The following PCMTD1 variants were observed in gnomAD, a reference collection of about 807,000 sequenced individuals.
PCMTD1 encodes protein-L-isoaspartate (D-aspartate) O-methyltransferase domain containing 1, also known as protein-L-isoaspartate O-methyltransferase domain-containing protein 1.
PCMTD1 carries 12 observed loss-of-function variants against 37.6 expected under a neutral mutation model. That is an observed-to-expected ratio of 0.32 (90% CI 0.20 to 0.52). PCMTD1 has a LOEUF of 0.52. Among genes scored for constraint, PCMTD1 ranks in the 20% least tolerant of loss-of-function variants. PCMTD1 has a pLI of 0.97. For missense variants in PCMTD1, 235 were observed against 421.3 expected (o/e 0.56, Z 3.87); for synonymous variants, 117 against 135.8 (o/e 0.86, Z 0.96).
rs766531430 is a variant in PCMTD1, at chr8:51,860,825, T to G, written c.307+20A>C. The G allele has an allele frequency of 5.7e-5, 88 of 1,545,716 alleles. No individual in the cohort carries two copies. Among genetic ancestry groups the G allele is most frequent in the Non-Finnish European group, 7.4e-5 (85 of 1,147,558 alleles). Reference sequence around the variant, plus strand: ...AAATGGCTTATTTTTTAAAATAGAATTTTACAAAAATAAAATTACCTAAAA... The same window carrying G: ...AAATGGCTTATTTTTTAAAATAGAAGTTTACAAAAATAAAATTACCTAAAA... On this transcript the variant is annotated intron_variant, in intron 2 of 5. Transcript: ENST00000522514.
chr8:51,876,747 T>C (rs1483276965), intron 1 of PCMTD1, among the ~76,000 whole-genome samples: 1 of 152,188 alleles, frequency 6.6e-6, no homozygotes, highest in African/African-American at 2.4e-5. Context: ...AAGAGATTGA[T>C]GATAATAGTC....
At chr8:51,882,003 C>G (rs970658313) in intron 1 of PCMTD1, among the ~76,000 whole-genome samples, 1 of 152,130 alleles carries the variant, frequency 6.6e-6, no homozygotes, top group African/African-American at 2.4e-5. Flanking sequence ...CTAATGAGTC[C>G]CCCTCCTCTT....
chr8:51,890,129 A>G (rs912017869), intron 1 of PCMTD1, among the ~76,000 whole-genome samples: 3 of 152,096 alleles, frequency 2.0e-5, no homozygotes, highest in Non-Finnish European at 4.4e-5. Context: ...GGTTATATTC[A>G]CAGATATTTA....
At chr8:51,830,355 T>G (rs2037981080) in intron 5 of PCMTD1, among the ~76,000 whole-genome samples, 1 of 152,214 alleles carries the variant, frequency 6.6e-6, no homozygotes, top group Non-Finnish European at 1.5e-5. Context: ...GTCTGTATGG[T>G]AACAGACAAC....
intron 1 of PCMTD1, among the ~76,000 whole-genome samples, chr8:51,882,275 G>A (rs1286963823): frequency 6.6e-6 from 1 of 152,174 alleles, no homozygotes. Flanking sequence ...GCTCTCTGGT[G>A]TCACTTTTTA....
chr8:51,838,142 T>C (rs2038094215), intron 3 of PCMTD1, among the ~76,000 whole-genome samples: 1 of 152,180 alleles, frequency 6.6e-6, no homozygotes, highest in African/African-American at 2.4e-5. Flanking sequence ...AATCAGGTTA[T>C]AGAGTGGCCA....
At chr8:51,864,294 C>G (rs2038519500) in intron 1 of PCMTD1, among the ~76,000 whole-genome samples, 2 of 152,124 alleles carry the variant, frequency 1.3e-5, no homozygotes, top group Admixed American at 1.3e-4. Context: ...ATGAGATCGA[C>G]TGAAATACAA....
chr8:51,859,560 T>A lies in PCMTD1; in HGVS notation c.307+1285A>T, dbSNP rs545049782. On this transcript the variant is annotated intron_variant, in intron 2 of 5. Transcript: ENST00000522514. ...CAAATGAAACAGATGGGAGGTCCCATGACTAATAGAGTAAGGAATTAGCTA... is the reference window on the plus strand; with the variant it reads ...CAAATGAAACAGATGGGAGGTCCCAAGACTAATAGAGTAAGGAATTAGCTA... Among the ~76,000 whole-genome samples, 4 of 152,262 alleles carry A rather than the reference T, an allele frequency of 2.6e-5. No homozygotes were observed. In the East Asian group the frequency reaches 5.8e-4, roughly 22 times the overall value.
intron 1 of PCMTD1, among the ~76,000 whole-genome samples, chr8:51,886,250 C>T (rs2038863308): frequency 6.6e-6 from 1 of 152,204 alleles, no homozygotes; most frequent in African/African-American, 2.4e-5. Flanking sequence ...CTGAAATTTT[C>T]CAGTGCATTC....
At chr8:51,822,572 T>C (rs988771889) in intron 5 of PCMTD1, among the ~76,000 whole-genome samples, 12 of 152,220 alleles carry the variant, frequency 7.9e-5, no homozygotes, top group African/African-American at 2.7e-4. Context: ...AATGTTATAC[T>C]CGTCACCATT....
In PCMTD1 at chr8:51,818,116, T is replaced by G. The variant is rs1445151677; in HGVS notation, c.*2235A>C. On this transcript the variant is annotated 3_prime_UTR_variant, in exon 6 of 6. Transcript: ENST00000522514. ...AAAAAATAAACACAAACCCAAAATA[T>G]TCTTATTCTAATATATCTGCATTAA... 5 of 356,440 alleles carry G rather than the reference T, an allele frequency of 1.4e-5. No individual in the cohort carries two copies. In the Admixed American group the frequency reaches 1.6e-4, roughly 11 times the overall value. The allele number at this position is 356,440 out of a possible 1,614,324, so 22.1% of individuals were successfully genotyped here.
intron 2 of PCMTD1, among the ~76,000 whole-genome samples, chr8:51,856,259 T>C (rs1385583860): frequency 6.6e-6 from 1 of 152,204 alleles, no homozygotes; most frequent in Non-Finnish European, 1.5e-5. Context: ...AGCACATGAA[T>C]AGCTGTTCCA....
At chr8:51,863,985 G>A (rs1424652730) in intron 1 of PCMTD1, among the ~76,000 whole-genome samples, 1 of 151,276 alleles carries the variant, frequency 6.6e-6, no homozygotes, top group Admixed American at 6.6e-5. Context: ...AACAATGACT[G>A]AATGGATTAG....
chr8:51,871,750 T>C (rs1243081608), intron 1 of PCMTD1, among the ~76,000 whole-genome samples: 1 of 152,238 alleles, frequency 6.6e-6, no homozygotes, highest in Non-Finnish European at 1.5e-5. Context: ...GTTATAGTTT[T>C]CTACTTTGGA....
chr8:51,874,204 A>G (rs10504131), intron 1 of PCMTD1, among the ~76,000 whole-genome samples: 3,530 of 152,314 alleles, frequency 0.023, 144 homozygotes, highest in African/African-American at 0.08. Context: ...TGAACCTTAA[A>G]TTATTAATCT....
chr8:51,849,160 A>ACATTTTTAT (rs2038267166), intron 2 of PCMTD1: 1 of 152,168 alleles, frequency 6.6e-6, no homozygotes, highest in Non-Finnish European at 1.5e-5. Flanking sequence ...TGGTAAGGAA[A>ACATTTTTAT]CATTTTTATC....
chr8:51,881,515 A>T (rs1037540904), intron 1 of PCMTD1, among the ~76,000 whole-genome samples: 1 of 152,220 alleles, frequency 6.6e-6, no homozygotes, highest in Non-Finnish European at 1.5e-5. Flanking sequence ...TATTACAAAT[A>T]TGATAGCATC....
At chr8:51,892,266 T>C (rs1311947788) in intron 1 of PCMTD1, among the ~76,000 whole-genome samples, 1 of 152,178 alleles carries the variant, frequency 6.6e-6, no homozygotes. Flanking sequence ...AGGCCATAGA[T>C]CCAGACACCA....
At chr8:51,880,284 T>C (rs1474874393) in intron 1 of PCMTD1, among the ~76,000 whole-genome samples, 1 of 151,956 alleles carries the variant, frequency 6.6e-6, no homozygotes, top group Non-Finnish European at 1.5e-5. Context: ...CCAGTAAATA[T>C]GAAATTATGC....
Sources: allele counts gnomAD v4.1 joint callset (sites outside exome capture counted in the v4.1 genomes callset), GRCh38; gene constraint gnomAD v4.1.1; transcripts MANE v1.5; gene names NCBI Gene and HGNC (gene_info 2026-07-23, HGNC 2026-07-21).